The following NCAM1 variants were observed in gnomAD, a reference collection of about 807,000 sequenced individuals.
NCAM1 encodes the protein neural cell adhesion molecule 1.
In NCAM1, 14 loss-of-function variants were observed where a neutral mutation model predicts 109.8. The ratio of observed to expected loss-of-function variants is 0.13; its 90% CI spans 0.08 to 0.20. NCAM1 has a LOEUF of 0.20. Among genes scored for constraint, NCAM1 ranks in the 10% least tolerant of loss-of-function variants. The pLI, the probability that NCAM1 is intolerant of heterozygous loss-of-function variation, is 1.00. For synonymous variants in NCAM1, 418 were observed against 442.9 expected (o/e 0.94, Z 0.70); for missense variants, 774 against 1,109.9 (o/e 0.70, Z 4.30).
chr11:113,072,492 G>GAA (rs546817353), intron 1 of NCAM1, among the ~76,000 whole-genome samples: 1 of 150,826 alleles, frequency 6.6e-6, no homozygotes, highest in Non-Finnish European at 1.5e-5. Context: ...ACTAGAGAGA[G>GAA]AAAAAAAAAG....
chr11:113,113,289 T>C (rs1255179825), intron 1 of NCAM1, among the ~76,000 whole-genome samples: 2 of 152,134 alleles, frequency 1.3e-5, no homozygotes, highest in Admixed American at 6.6e-5. Flanking sequence ...TGGGGGGTGG[T>C]TGTGAGGTTT....
intron 1 of NCAM1, among the ~76,000 whole-genome samples, chr11:113,102,128 T>C (rs1939903753): frequency 6.6e-6 from 1 of 152,248 alleles, no homozygotes; most frequent in Non-Finnish European, 1.5e-5. Context: ...CCTTGTATAA[T>C]GTCGAGAATA....
rs544090764 is a variant in NCAM1 at position 113,277,346 on chromosome 11, C to G, written c.*1959C>G. On this transcript the variant is annotated 3_prime_UTR_variant, in exon 20 of 20. Transcript: ENST00000316851. ...AATGTGGGGTTATGTTGCATTTTCTCAGCTCCTGGGGATGGAAATGGAGGA... is the reference window on the plus strand; with the variant it reads ...AATGTGGGGTTATGTTGCATTTTCTGAGCTCCTGGGGATGGAAATGGAGGA... 4 of 399,174 alleles carry G rather than the reference C, an allele frequency of 1.0e-5. No homozygotes were observed. The South Asian group carries it at 3.8e-4, about 38-fold the overall frequency. The allele number at this position is 399,174 out of a possible 1,614,324, so 24.7% of individuals were successfully genotyped here. A position where few individuals can be genotyped will look rare whatever the true frequency, so the allele number is the denominator to read the frequency against.
In NCAM1 at chr11:113,233,136, C is replaced by G. The variant is rs1555117619; in HGVS notation, c.1523-11C>G. 2 of 1,610,400 alleles carry G rather than the reference C, an allele frequency of 1.2e-6. No homozygotes were observed. The highest frequency in any genetic ancestry group is 3.3e-5 in the Admixed American group (2 of 59,866). ...GGCTCACCTGAGTCTCCATATGTGT[C>G]TTCCCCACAGACACCCCCTCTTCAC... is the stretch of plus-strand genomic sequence containing the variant. On this transcript the variant is annotated splice_polypyrimidine_tract_variant and intron_variant, in intron 12 of 19. Coordinates refer to ENST00000316851, the MANE Select transcript of NCAM1 (RefSeq NM_181351.5). This position sits in a 1 kb window ranked among gnomAD's most constrained non-coding sequence, Gnocchi z 4.5.
At chr11:113,045,162 C>T (rs1953222721) in intron 1 of NCAM1, among the ~76,000 whole-genome samples, 1 of 152,216 alleles carries the variant, frequency 6.6e-6, no homozygotes, top group African/African-American at 2.4e-5. Flanking sequence ...CAAGTGTTTA[C>T]AAGCGAGGAA....
At chr11:113,008,212 A>C (rs553749687) in intron 1 of NCAM1, among the ~76,000 whole-genome samples, 3 of 152,306 alleles carry the variant, frequency 2.0e-5, no homozygotes, top group African/African-American at 7.2e-5. Context: ...ACTTTTTGAT[A>C]GAGGATCAGA....
rs1555124032 is a variant in NCAM1 at position 113,264,442 on chromosome 11, A to T, written c.2131+4119A>T. 4 of 985,316 alleles carry T rather than the reference A, an allele frequency of 4.1e-6. No individual in the cohort carries two copies. The South Asian group carries it at 1.4e-4, about 35-fold the overall frequency. The allele number at this position is 985,316 out of a possible 1,614,324, so 61.0% of individuals were successfully genotyped here. A position where few individuals can be genotyped will look rare whatever the true frequency, so the allele number is the denominator to read the frequency against. ...AGCTCAGGCAGGGTAGTGCCTCTCA[A>T]CCCAGCCACAAAACTCTCCCCGCTG... On this transcript the variant is annotated intron_variant, in intron 17 of 19. Coordinates refer to ENST00000316851, the MANE Select transcript of NCAM1 (RefSeq NM_181351.5).
chr11:113,017,635 T>TTTTGTGTGTGTGTGTGTGTGTGTG (rs1555075494), intron 1 of NCAM1, among the ~76,000 whole-genome samples: 2 of 145,284 alleles, frequency 1.4e-5, no homozygotes, highest in African/African-American at 5.0e-5. Flanking sequence ...CAGTACTGTT[T>TTTTGTGTGTGTGTGTGTGTGTGTG]TGTGTGTGTG....
intron 1 of NCAM1, among the ~76,000 whole-genome samples, chr11:113,140,600 T>C (rs1941780575): frequency 6.6e-6 from 1 of 152,194 alleles, no homozygotes; most frequent in South Asian, 2.1e-4. Context: ...GTATATTGGA[T>C]TTTTTGACCC....
In NCAM1 at chr11:113,233,070, TG is replaced by T; in HGVS notation, c.1523-76del. The T allele has an allele frequency of 7.2e-7, 1 of 1,396,794 alleles. No individual in the cohort carries two copies. The highest frequency in any genetic ancestry group is 9.9e-7 in the Non-Finnish European group (1 of 1,011,326). The allele number at this position is 1,396,794 out of a possible 1,614,324, so 86.5% of individuals were successfully genotyped here. A position where few individuals can be genotyped will look rare whatever the true frequency, so the allele number is the denominator to read the frequency against. On this transcript the variant is annotated intron_variant, in intron 12 of 19. Transcript: ENST00000316851. The surrounding 1 kb of genome is among the most constrained non-coding windows in gnomAD (Gnocchi z 4.5). The stretch of plus-strand genomic sequence containing the variant: ...CAAGAGTGAGCAGAAATGACAGAGA[TG>T]TGCCTTGTGACTGAGAGTTAATGGT...
chr11:113,062,614 G>A (rs1937722534), intron 1 of NCAM1, among the ~76,000 whole-genome samples: 1 of 151,802 alleles, frequency 6.6e-6, no homozygotes, highest in Non-Finnish European at 1.5e-5. Context: ...AGTGAAGAAG[G>A]GGTTTGCTAC....
At chr11:113,214,766 G>A (rs932916664) in intron 8 of NCAM1, among the ~76,000 whole-genome samples, 6 of 152,144 alleles carry the variant, frequency 3.9e-5, no homozygotes, top group African/African-American at 9.7e-5. Flanking sequence ...TAGATGTTCT[G>A]GGGAGGAGGC....
At chr11:112,968,108 G>A (rs1333533051) in intron 1 of NCAM1, among the ~76,000 whole-genome samples, 7 of 152,116 alleles carry the variant, frequency 4.6e-5, no homozygotes, top group South Asian at 4.1e-4. Context: ...TAAACTAATC[G>A]TTCCAGTTTA....
chr11:113,032,666 C>T (rs782414965), intron 1 of NCAM1, among the ~76,000 whole-genome samples: 9 of 152,166 alleles, frequency 5.9e-5, no homozygotes. Flanking sequence ...GTTTTAATCC[C>T]ATTCTTATAT....
chr11:113,121,674 G>A (rs1360162216), intron 1 of NCAM1, among the ~76,000 whole-genome samples: 1 of 152,018 alleles, frequency 6.6e-6, no homozygotes, highest in Admixed American at 6.6e-5. Flanking sequence ...CACTCCAGAG[G>A]CTCCTTCTTA....
chr11:113,091,930 CCCTTTGGTGTCCTCCA>C (rs1464583066), intron 1 of NCAM1, among the ~76,000 whole-genome samples: 4 of 152,136 alleles, frequency 2.6e-5, no homozygotes, highest in Admixed American at 1.3e-4. Flanking sequence ...TCAATGTCTG[CCCTTTGGTGTCCTCCA>C]CCAATTCTTT....
chr11:113,065,018 TG>T (rs1368968878), intron 1 of NCAM1, among the ~76,000 whole-genome samples: 2 of 152,112 alleles, frequency 1.3e-5, no homozygotes, highest in Non-Finnish European at 2.9e-5. Context: ...ATGCTAGGAC[TG>T]GTGGGGGGCA....
At chr11:112,972,399 T>TA (rs1257841482) in intron 1 of NCAM1, among the ~76,000 whole-genome samples, 9 of 152,140 alleles carry the variant, frequency 5.9e-5, no homozygotes, top group Admixed American at 6.5e-5. Context: ...CACAGAATGA[T>TA]ATCTTGCCTA....
intron 1 of NCAM1, among the ~76,000 whole-genome samples, chr11:113,111,045 A>G (rs1348412009): frequency 3.3e-5 from 5 of 152,216 alleles, no homozygotes; most frequent in African/African-American, 1.2e-4. Context: ...CATCGAATCT[A>G]AAAGATGATA....
Sources: gnomAD v4.1 joint callset for allele counts (sites outside exome capture counted in the v4.1 genomes callset) on GRCh38, gnomAD v4.1.1 for gene constraint, Gnocchi (gnomAD v3.1) non-coding constraint, MANE v1.5 for transcripts, NCBI Gene and HGNC (gene_info 2026-07-23, HGNC 2026-07-21) for gene names.